The following RBM4 variants were observed in gnomAD, a reference collection of about 807,000 sequenced individuals.
RBM4 encodes RNA-binding protein 4.
A neutral mutation model predicts 29.5 loss-of-function variants in RBM4; 7 were observed. The observed-to-expected ratio is 0.24, with a 90% CI of 0.14 to 0.45. The LOEUF is 0.45. RBM4 is among the 20% of genes least tolerant of loss of function. The pLI is 1.00. For synonymous variants in RBM4, 220 were observed against 205.4 expected (o/e 1.07, Z -0.61); for missense variants, 387 against 502.3 (o/e 0.77, Z 2.19).
At chr11:66,648,259 G>A (rs1167740966), downstream of RBM4, among the ~76,000 whole-genome samples, 5 of 151,058 alleles carry the variant, frequency 3.3e-5, no homozygotes, top group Non-Finnish European at 5.9e-5. Context: ...GTGACTCAAC[G>A]CCAGTAATCC....
chr11:66,662,821 A>C (rs1939107468), intron 2 of RBM4, among the ~76,000 whole-genome samples: 1 of 152,220 alleles, frequency 6.6e-6, no homozygotes, highest in African/African-American at 2.4e-5. Context: ...CTTGCAGATC[A>C]TAAGAAAATC....
At chr11:66,662,152 C>G (rs1027741710) in intron 2 of RBM4, among the ~76,000 whole-genome samples, 21 of 152,184 alleles carry the variant, frequency 1.4e-4, no homozygotes, top group African/African-American at 5.1e-4. Context: ...ATTTTACTAT[C>G]TAAACTGCTG....
chr11:66,647,302 TAAAG>T (rs1190870114), downstream of RBM4, among the ~76,000 whole-genome samples: 4 of 152,242 alleles, frequency 2.6e-5, no homozygotes, highest in South Asian at 6.2e-4. Context: ...GATGGGGAGA[TAAAG>T]AAGCTGGTCT....
intron 3 of RBM4, chr11:66,644,711 A>G: frequency 1.0e-6 from 1 of 976,706 alleles, no homozygotes; most frequent in South Asian, 4.7e-5. Flanking sequence ...TGAACCGTTC[A>G]ACCCTTATGA....
chr11:66,654,982 G>A (rs1022912385), intron 2 of RBM4, among the ~76,000 whole-genome samples: 20 of 151,614 alleles, frequency 1.3e-4, no homozygotes, highest in African/African-American at 4.4e-4. Flanking sequence ...ATACCACCAC[G>A]CCCAGCTAAA....
At chr11:66,639,505 A>C (rs921433137) in intron 1 of RBM4, 195 bp from the exon 2 acceptor site, 2 of 697,122 alleles carry the variant, frequency 2.9e-6, no homozygotes, top group Non-Finnish European at 4.7e-6. Flanking sequence ...ACGTCTTCTT[A>C]TTCTTACAGG....
At position 66,643,656 on chromosome 11, in the gene RBM4, G is replaced by A; in HGVS notation, c.619G>A (p.Asp207Asn). ...VRTPYTMSYG[D>N]SLYYNNAYGA... ...TACGCCTTACACCATGAGCTATGGG[G>A]ATTCATTGTATTACAACAACGCGTA... The change falls in exon 3 of 4, where the codon GAT (aspartate) becomes AAT (asparagine). Residue 207 changes from aspartate (D) to asparagine (N), a missense_variant. This residue lies in a region of RBM4 where 281 missense variants were observed against 288.7 expected (regional missense o/e 0.97). Transcript: ENST00000310092. The surrounding 1 kb of genome is among the most constrained non-coding windows in gnomAD (Gnocchi z 6.1). 1 of 1,614,156 alleles carries A rather than the reference G, an allele frequency of 6.2e-7. No homozygotes were observed. The highest frequency in any genetic ancestry group is 8.5e-7 in the Non-Finnish European group (1 of 1,180,024).
chr11:66,661,032 G>A (rs1590874441), intron 2 of RBM4, among the ~76,000 whole-genome samples: 3 of 152,288 alleles, frequency 2.0e-5, no homozygotes, highest in Non-Finnish European at 2.9e-5. Context: ...TTGGGTTCTT[G>A]TGGATTTGCA....
intron 2 of RBM4, chr11:66,665,743 G>A: frequency 1.5e-6 from 2 of 1,323,994 alleles, no homozygotes; most frequent in Non-Finnish European, 2.0e-6. Context: ...TTACCTAGGA[G>A]TCTATCAATA....
intron 3 of RBM4, 133 bp from the exon 4 acceptor site, chr11:66,645,894 T>A (rs1938670896): frequency 1.4e-6 from 2 of 1,461,942 alleles, no homozygotes; most frequent in Non-Finnish European, 1.8e-6. Context: ...ATTACTGTGA[T>A]ACTGGGGGAG....
At chr11:66,667,075 C>G (rs918293011) in exon 3 of RBM4, 4 of 152,036 alleles carry the variant, frequency 2.6e-5, no homozygotes, top group African/African-American at 9.7e-5. Flanking sequence ...GCTTTGTTAT[C>G]TTCTACATAT....
In RBM4 at chr11:66,643,895, T is replaced by C. The variant is rs1565081686; in HGVS notation, c.858T>C (p.Ala286=). The change falls in exon 3 of 4, where the codon GCT becomes GCC. Residue 286 remains alanine, a synonymous_variant. Coordinates refer to ENST00000310092, the MANE Select transcript of RBM4 (RefSeq NM_002896.4). The surrounding 1 kb of genome is among the most constrained non-coding windows in gnomAD (Gnocchi z 6.1). ...LLPTSGAAAT[A]AAAAAAAAAV... ...CGACCTCAGGAGCTGCTGCCACAGCTGCTGCTGCAGCAGCAGCCGCTGCTG... is the reference window on the plus strand; with the variant it reads ...CGACCTCAGGAGCTGCTGCCACAGCCGCTGCTGCAGCAGCAGCCGCTGCTG... 2 of 1,611,614 alleles carry C rather than the reference T, an allele frequency of 1.2e-6. No homozygotes were observed. The highest frequency in any genetic ancestry group is 1.7e-4 in the Middle Eastern group (1 of 6,056).
chr11:66,651,132 T>C (rs1314416014), downstream of RBM4, among the ~76,000 whole-genome samples: 3 of 151,994 alleles, frequency 2.0e-5, no homozygotes, highest in East Asian at 5.8e-4. Flanking sequence ...CGGGGGGGGA[T>C]GGAGTAGTGA....
intron 2 of RBM4, among the ~76,000 whole-genome samples, chr11:66,652,947 T>C (rs1938864092): frequency 1.3e-5 from 2 of 152,176 alleles, no homozygotes; most frequent in African/African-American, 4.8e-5. Context: ...ATGAGTGAAT[T>C]GAGCATTGTA....
At chr11:66,647,776 C>G (rs1304743315), downstream of RBM4, among the ~76,000 whole-genome samples, 5 of 152,284 alleles carry the variant, frequency 3.3e-5, no homozygotes, top group Admixed American at 2.0e-4. Context: ...TCTGGAGCTT[C>G]TATTCTGAGG....
In RBM4 at chr11:66,640,136, C is replaced by T. The variant is rs1938372812; in HGVS notation, c.412+13C>T. 2 of 1,614,148 alleles carry T rather than the reference C, an allele frequency of 1.2e-6. No individual in the cohort carries two copies. Among genetic ancestry groups the T allele is most frequent in the East Asian group, 2.2e-5 (1 of 44,878 alleles). ...ACAGAGTTTCAAGGTGAACCACCCT[C>T]TTTGGGTAGAGGGCTGAACACAAGG... is the stretch of plus-strand genomic sequence containing the variant. On this transcript the variant is annotated intron_variant, in intron 2 of 3. Coordinates refer to ENST00000310092, the MANE Select transcript of RBM4 (RefSeq NM_002896.4).
intron 2 of RBM4, among the ~76,000 whole-genome samples, chr11:66,660,326 C>CTT (rs201122159): frequency 1.5e-5 from 2 of 130,490 alleles, no homozygotes; most frequent in East Asian, 4.4e-4. Flanking sequence ...ATCACAATTT[C>CTT]TTTTTTTTTG....
intron 2 of RBM4, among the ~76,000 whole-genome samples, chr11:66,656,449 A>G (rs1485996330): frequency 2.6e-5 from 4 of 151,430 alleles, no homozygotes; most frequent in South Asian, 2.1e-4. Context: ...CTAATTTTCT[A>G]TTTTTTTAGT....
exon 3 of RBM4, chr11:66,666,544 CAACCACTGCTT>C (rs1341277444): frequency 1.8e-6 from 1 of 564,826 alleles, no homozygotes; most frequent in Non-Finnish European, 2.2e-6. Flanking sequence ...GTTAGTTGAA[CAACCACTGCTT>C]GCAGTCAAAA....
Sources: allele counts gnomAD v4.1 joint callset (sites outside exome capture counted in the v4.1 genomes callset), GRCh38; gene constraint gnomAD v4.1.1; regional missense constraint gnomAD v4.1.1; non-coding constraint Gnocchi (gnomAD v3.1); transcripts MANE v1.5; gene names NCBI Gene and HGNC (gene_info 2026-07-23, HGNC 2026-07-21).